The following EIF2B3 variants were observed in gnomAD, a reference collection of about 807,000 sequenced individuals.
EIF2B3 encodes the protein translation initiation factor eIF2B subunit gamma.
EIF2B3 carries 20 observed loss-of-function variants against 54.1 expected under a neutral mutation model. The ratio of observed to expected loss-of-function variants is 0.37; its 90% CI spans 0.26 to 0.54. EIF2B3 has a LOEUF of 0.54. Among genes scored for constraint, EIF2B3 ranks in the 20% least tolerant of loss-of-function variants. The pLI is 0.86. For synonymous variants in EIF2B3, 153 were observed against 188.1 expected, an observed-to-expected ratio of 0.81 and a Z score of 1.52; for missense variants, 448 against 547.8, an observed-to-expected ratio of 0.82 and a Z score of 1.82.
At chr1:44,926,528 A>C in intron 5 of EIF2B3, 100 bp downstream of exon 5, 1 of 903,876 alleles carries the variant, frequency 1.1e-6, no homozygotes, top group Non-Finnish European at 1.8e-6. Flanking sequence ...AATTTCACAC[A>C]GTATAGTCTA....
rs530400532 is a variant in EIF2B3, at chr1:44,867,823, A to T, written c.1202+6855T>A. On this transcript the variant is annotated intron_variant, in intron 10 of 11. Transcript: ENST00000360403. ...GCTTTACCTCAACTTTTTTATTTTT[A>T]AAAAAAGAAGTAGCCAGCCTAGGCA... 7.9e-5 allele frequency among the ~76,000 whole-genome samples: 12 copies of T among 151,512 alleles called. No homozygotes were observed. The South Asian group carries it at 1.3e-3, about 16-fold the overall frequency.
chr1:44,973,078 G>T (rs1249353387), intron 3 of EIF2B3, among the ~76,000 whole-genome samples: 2 of 152,124 alleles, frequency 1.3e-5, no homozygotes, highest in East Asian at 3.9e-4. Flanking sequence ...AAAGAGGTTG[G>T]AGCCCTTGTA....
At chr1:44,860,007 C>CTT (rs1204545358) in intron 10 of EIF2B3, among the ~76,000 whole-genome samples, 1 of 144,732 alleles carries the variant, frequency 6.9e-6, no homozygotes, top group Non-Finnish European at 1.5e-5. Context: ...ATCCAGCCTT[C>CTT]TTTTTTTTTT....
At chr1:44,887,887 G>A (rs931405145) in intron 6 of EIF2B3, among the ~76,000 whole-genome samples, 8 of 152,026 alleles carry the variant, frequency 5.3e-5, no homozygotes, top group African/African-American at 1.9e-4. Context: ...GACAGAGCCA[G>A]ACTCTGTCTC....
At chr1:44,878,936 A>G (rs929463210) in intron 8 of EIF2B3, among the ~76,000 whole-genome samples, 2 of 151,208 alleles carry the variant, frequency 1.3e-5, no homozygotes, top group Non-Finnish European at 3.0e-5. Flanking sequence ...TTTTTGTAGT[A>G]TTTTTGTAGA....
chr1:44,860,460 C>T (rs1475760670), intron 10 of EIF2B3, among the ~76,000 whole-genome samples: 1 of 152,144 alleles, frequency 6.6e-6, no homozygotes, highest in Non-Finnish European at 1.5e-5. Context: ...GCAAACCCCT[C>T]CTAGATGATT....
At chr1:44,922,574 G>A (rs1161282214) in intron 5 of EIF2B3, among the ~76,000 whole-genome samples, 3 of 130,110 alleles carry the variant, frequency 2.3e-5, no homozygotes, top group Non-Finnish European at 3.1e-5. Flanking sequence ...GATATAGAGC[G>A]AGACTCTGTC....
chr1:44,873,447 C>T (rs970752310), intron 10 of EIF2B3, among the ~76,000 whole-genome samples: 1 of 152,116 alleles, frequency 6.6e-6, no homozygotes, highest in Non-Finnish European at 1.5e-5. Flanking sequence ...TTCTCCCTTA[C>T]CCCCATTTCC....
intron 3 of EIF2B3, among the ~76,000 whole-genome samples, chr1:44,966,102 G>A (rs893054228): frequency 2.6e-5 from 4 of 151,946 alleles, no homozygotes; most frequent in Non-Finnish European, 1.5e-5. Flanking sequence ...GGCTAGAGCA[G>A]TCTTAGCCCT....
rs867365122 is a variant in EIF2B3, at chr1:44,936,601, A to G, written c.454+4905T>C. Reference sequence around the variant, plus strand: ...ATGAGACTCTGTCTCAAAAAAAGTTACATGTGAGCCTTCCAGAGAGGCTTG... The same window carrying G: ...ATGAGACTCTGTCTCAAAAAAAGTTGCATGTGAGCCTTCCAGAGAGGCTTG... On this transcript the variant is annotated intron_variant, in intron 4 of 11. Coordinates refer to ENST00000360403, the MANE Select transcript of EIF2B3 (RefSeq NM_020365.5). 9.2e-5 allele frequency among the ~76,000 whole-genome samples: 14 copies of G among 152,188 alleles called. 1 individual carries two copies. The Middle Eastern group carries it at 0.02, about 222-fold the overall frequency.
At chr1:44,878,233 G>T (rs1655261035) in intron 8 of EIF2B3, among the ~76,000 whole-genome samples, 1 of 152,138 alleles carries the variant, frequency 6.6e-6, no homozygotes, top group Admixed American at 6.5e-5. Context: ...AGATTCCTGA[G>T]CCAGGTTTTC....
chr1:44,930,754 C>T lies in EIF2B3; in HGVS notation c.455-4015G>A, dbSNP rs373772670. 3.3e-5 allele frequency among the ~76,000 whole-genome samples: 5 copies of T among 150,102 alleles called. No homozygotes were observed. In the East Asian group the frequency reaches 7.9e-4, roughly 24 times the overall value. The stretch of plus-strand genomic sequence containing the variant: ...CTCTCGGGTTCAAGCAATTCTCCTG[C>T]CTCAACCTCCCAAGTAGCTGGGACC... On this transcript the variant is annotated intron_variant, in intron 4 of 11. Coordinates refer to ENST00000360403, the MANE Select transcript of EIF2B3 (RefSeq NM_020365.5).
chr1:44,870,188 G>C (rs1421292834), intron 10 of EIF2B3, among the ~76,000 whole-genome samples: 2 of 151,758 alleles, frequency 1.3e-5, no homozygotes, highest in East Asian at 3.9e-4. Context: ...GAGAGAGAGA[G>C]AGAGAGAGAG....
At chr1:44,856,312 C>T (rs1325240666) in intron 11 of EIF2B3, among the ~76,000 whole-genome samples, 2 of 151,772 alleles carry the variant, frequency 1.3e-5, no homozygotes, top group African/African-American at 2.4e-5. Context: ...GCCAGGAGTT[C>T]AAGACCAGCC....
In EIF2B3 at chr1:44,944,777, T is replaced by G. The variant is rs1283964440; in HGVS notation, c.295-3112A>C. Among the ~76,000 whole-genome samples the G allele has an allele frequency of 2.6e-5, 4 of 152,260 alleles. No homozygotes were observed. The East Asian group carries it at 7.7e-4, about 29-fold the overall frequency. Reference sequence around the variant, plus strand: ...AGAGGAGTTCAAGACTCTAGTGAGCTACAATTACTCCACTGGATTCCAGCC... The same window carrying G: ...AGAGGAGTTCAAGACTCTAGTGAGCGACAATTACTCCACTGGATTCCAGCC... On this transcript the variant is annotated intron_variant, in intron 3 of 11. Coordinates refer to ENST00000360403, the MANE Select transcript of EIF2B3 (RefSeq NM_020365.5).
At chr1:44,975,021 C>T (rs1644438595) in intron 3 of EIF2B3, among the ~76,000 whole-genome samples, 1 of 152,042 alleles carries the variant, frequency 6.6e-6, no homozygotes, top group African/African-American at 2.4e-5. Flanking sequence ...TTGAAACTAG[C>T]CTGAGCAACA....
At chr1:44,976,362 C>G (rs149313442) in intron 3 of EIF2B3, among the ~76,000 whole-genome samples, 19 of 152,248 alleles carry the variant, frequency 1.2e-4, no homozygotes, top group African/African-American at 4.1e-4. Flanking sequence ...AGCATCATTA[C>G]CATCAGGGAA....
chr1:44,874,655 A>T, intron 10 of EIF2B3, 23 bp downstream of exon 10: 2 of 1,612,476 alleles, frequency 1.2e-6, no homozygotes, highest in South Asian at 2.2e-5. Context: ...CTTTGCCTCA[A>T]GTGGGTACAG....
intron 6 of EIF2B3, among the ~76,000 whole-genome samples, chr1:44,886,287 G>C (rs1397653507): frequency 6.6e-6 from 1 of 151,252 alleles, no homozygotes; most frequent in Non-Finnish European, 1.5e-5. Flanking sequence ...CAACATGTTG[G>C]CCAGGCTGGT....
Sources: gnomAD v4.1 joint callset for allele counts (sites outside exome capture counted in the v4.1 genomes callset) on GRCh38, gnomAD v4.1.1 for gene constraint, MANE v1.5 for transcripts, NCBI Gene and HGNC (gene_info 2026-07-23, HGNC 2026-07-21) for gene names.